The following PLB1 variants were observed in gnomAD, a reference collection of about 807,000 sequenced individuals.
PLB1 encodes the protein phospholipase B1, also known as phospholipase B1, membrane-associated.
Under a neutral mutation model 227.4 loss-of-function variants are expected in PLB1, and 242 were observed. The observed-to-expected ratio is 1.06, with a 90% CI of 0.96 to 1.18. PLB1 has a LOEUF of 1.18. Among genes scored for constraint, PLB1 ranks in the 50% most tolerant of loss-of-function variants. The pLI, the probability that PLB1 is intolerant of heterozygous loss-of-function variation, is 0.00. For synonymous variants in PLB1, 757 were observed against 682.2 expected (o/e 1.11, Z -1.71); for missense variants, 1,858 against 1,816.3 (o/e 1.02, Z -0.42).
At chr2:28,566,087 A>AG (rs1676844546) in intron 19 of PLB1, among the ~76,000 whole-genome samples, 1 of 152,178 alleles carries the variant, frequency 6.6e-6, no homozygotes, top group Admixed American at 6.5e-5. Context: ...AAGCCCGGGC[A>AG]GGTTTGGTGT....
Position 28,588,629 on chromosome 2 carries a change from C to T in PLB1, c.1816-821C>T, listed in dbSNP as rs72850414. 6.6e-3 allele frequency among the ~76,000 whole-genome samples: 1,007 copies of T among 152,162 alleles called. 7 individuals carry two copies. Among genetic ancestry groups the T allele is most frequent in the African/African-American group, 0.023 (944 of 41,516 alleles). On this transcript the variant is annotated intron_variant, in intron 26 of 57. Coordinates refer to ENST00000327757, the MANE Select transcript of PLB1 (RefSeq NM_153021.5). ...GGCTGAGTCAGCCTAGAGTGGGAGC[C>T]GGAACTGGGGTAACAGATTTTCCTA...
At chr2:28,564,923 A>G (rs1031430098) in intron 18 of PLB1, among the ~76,000 whole-genome samples, 1 of 152,252 alleles carries the variant, frequency 6.6e-6, no homozygotes, top group African/African-American at 2.4e-5. Context: ...CTTTTATGAT[A>G]TACTTCACAA....
chr2:28,565,524 C>T (rs1044726481), intron 19 of PLB1, among the ~76,000 whole-genome samples, 171 bp downstream of exon 19: 2 of 151,478 alleles, frequency 1.3e-5, no homozygotes, highest in East Asian at 1.9e-4. Context: ...CTCCTCAAAC[C>T]ACTACATTGC....
At chr2:28,569,505 G>A (rs1313777663) in intron 20 of PLB1, among the ~76,000 whole-genome samples, 3 of 152,026 alleles carry the variant, frequency 2.0e-5, no homozygotes, top group Non-Finnish European at 2.9e-5. Context: ...AAAGGGAGGG[G>A]AAATGAAAAT....
intron 6 of PLB1, 91 bp downstream of exon 6, chr2:28,526,036 C>A: frequency 7.0e-7 from 1 of 1,434,094 alleles, no homozygotes; most frequent in Non-Finnish European, 9.8e-7. Context: ...TGGACACCAC[C>A]AGCCACTTTA....
At chr2:28,542,690 A>G (rs950558335) in intron 13 of PLB1, among the ~76,000 whole-genome samples, 11 of 152,238 alleles carry the variant, frequency 7.2e-5, no homozygotes, top group Middle Eastern at 3.4e-3. Flanking sequence ...CCCCCAGGAC[A>G]CTGGGCAAGG....
At chr2:28,569,718 C>T (rs1480813301) in intron 20 of PLB1, among the ~76,000 whole-genome samples, 1 of 152,052 alleles carries the variant, frequency 6.6e-6, no homozygotes, top group African/African-American at 2.4e-5. Context: ...GTAATCCCAG[C>T]ACTTTGGGAG....
chr2:28,570,742 C>T (rs565402451), intron 20 of PLB1, among the ~76,000 whole-genome samples: 56 of 152,262 alleles, frequency 3.7e-4, no homozygotes, highest in Non-Finnish European at 6.5e-4. Context: ...GCTGATATTG[C>T]GCCACTTCAC....
At chr2:28,612,050 G>A (rs1276550354) in intron 43 of PLB1, among the ~76,000 whole-genome samples, 1 of 152,208 alleles carries the variant, frequency 6.6e-6, no homozygotes. Context: ...GGAGGCTGAG[G>A]CAGGAAAATG....
In PLB1 at chr2:28,632,959, C is replaced by T; in HGVS notation, c.4018C>T (p.Leu1340Phe). 1.2e-6 allele frequency: 2 copies of T among 1,605,954 alleles called. No individual in the cohort carries two copies. The highest frequency in any genetic ancestry group is 3.4e-5 in the Admixed American group (2 of 59,668). ...TPLNERGDTD[L>F]TFFSEDCFHF... The stretch of plus-strand genomic sequence containing the variant: ...TTGGTTGCAGAGAGGGGACACTGAC[C>T]TCACCTTCTTCTCCGAGGACTGTTT... The change falls in exon 56 of 58, where the codon CTC becomes TTC. Residue 1340 changes from leucine (L) to phenylalanine (F), a missense_variant. By Grantham distance (22) the Leu-to-Phe change is conservative. Coordinates refer to ENST00000327757, the MANE Select transcript of PLB1 (RefSeq NM_153021.5).
chr2:28,596,298 T>C (rs2148291935), intron 33 of PLB1, among the ~76,000 whole-genome samples: 1 of 152,370 alleles, frequency 6.6e-6, no homozygotes, highest in East Asian at 1.9e-4. Context: ...GTTTCATGGT[T>C]CTGATCAAAA....
chr2:28,628,518 G>C (rs777488637), intron 51 of PLB1, 45 bp from the exon 52 acceptor site: 2 of 1,571,496 alleles, frequency 1.3e-6, no homozygotes, highest in Admixed American at 3.3e-5. Flanking sequence ...CATTCTCTCA[G>C]AGCGGGCACC....
At chr2:28,543,142 A>G in intron 13 of PLB1, 70 bp from the exon 14 acceptor site, 1 of 1,503,184 alleles carries the variant, frequency 6.7e-7, no homozygotes, top group Non-Finnish European at 9.1e-7. Flanking sequence ...AGAGAGCTTC[A>G]AAGTGTGTAG....
chr2:28,522,566 C>A (rs1669661209), intron 4 of PLB1, among the ~76,000 whole-genome samples: 1 of 152,204 alleles, frequency 6.6e-6, no homozygotes, highest in African/African-American at 2.4e-5. Flanking sequence ...TGCCACAGGA[C>A]TCTCGGGTCC....
chr2:28,502,702 G>A (rs892367029), intron 1 of PLB1, among the ~76,000 whole-genome samples: 1 of 152,016 alleles, frequency 6.6e-6, no homozygotes, highest in African/African-American at 2.4e-5. Context: ...TTTTCTCTCT[G>A]CCCTTGCTGG....
chr2:28,606,807 C>T (rs1275838568), intron 43 of PLB1, among the ~76,000 whole-genome samples: 1 of 152,070 alleles, frequency 6.6e-6, no homozygotes, highest in Non-Finnish European at 1.5e-5. Context: ...TGGGCCCCAG[C>T]AGAGGGAGAG....
At chr2:28,607,113 T>G (rs566284742) in intron 43 of PLB1, among the ~76,000 whole-genome samples, 3 of 152,242 alleles carry the variant, frequency 2.0e-5, no homozygotes, top group Non-Finnish European at 4.4e-5. Context: ...CAGGCTCCTT[T>G]TAAGGAGGAA....
At chr2:28,522,571 G>A (rs960659855) in intron 4 of PLB1, among the ~76,000 whole-genome samples, 2 of 152,180 alleles carry the variant, frequency 1.3e-5, no homozygotes, top group Non-Finnish European at 2.9e-5. Flanking sequence ...CAGGACTCTC[G>A]GGTCCTTCTG....
intron 14 of PLB1, 120 bp from the exon 15 acceptor site, chr2:28,548,740 G>A (rs1255233441): frequency 5.5e-6 from 5 of 907,794 alleles, no homozygotes; most frequent in African/African-American, 3.3e-5. Flanking sequence ...GGCTGGACAC[G>A]TGCATTTCTA....
Sources: allele counts gnomAD v4.1 joint callset (sites outside exome capture counted in the v4.1 genomes callset), GRCh38; gene constraint gnomAD v4.1.1; transcripts MANE v1.5; gene names NCBI Gene and HGNC (gene_info 2026-07-23, HGNC 2026-07-21).